The following UBE2E2 variants were observed in gnomAD, a reference collection of about 807,000 sequenced individuals.
UBE2E2 encodes the protein ubiquitin conjugating enzyme E2 E2.
UBE2E2 carries 6 observed loss-of-function variants against 24.7 expected under a neutral mutation model. The observed-to-expected ratio is 0.24, with a 90% confidence interval of 0.13 to 0.48. UBE2E2 has a LOEUF of 0.48. UBE2E2 is among the 20% of genes least tolerant of loss of function. UBE2E2 has a pLI of 0.99. For missense variants in UBE2E2, 169 were observed against 245.0 expected (o/e 0.69, Z 2.07); for synonymous variants, 104 against 83.6 (o/e 1.24, Z -1.33).
intron 5 of UBE2E2, among the ~76,000 whole-genome samples, chr3:23,571,427 T>G (rs1377137762): frequency 6.6e-6 from 1 of 151,466 alleles, no homozygotes; most frequent in African/African-American, 2.4e-5. Flanking sequence ...GTAGCCGGGA[T>G]TACAGGCGTG....
At chr3:23,531,920 G>A (rs976449526) in intron 4 of UBE2E2, among the ~76,000 whole-genome samples, 9 of 151,980 alleles carry the variant, frequency 5.9e-5, no homozygotes, top group African/African-American at 1.9e-4. Context: ...AAATTAGCTG[G>A]GTGTGGTGGC....
intron 3 of UBE2E2, among the ~76,000 whole-genome samples, chr3:23,373,700 C>T (rs1277549875): frequency 1.3e-5 from 2 of 152,124 alleles, no homozygotes; most frequent in East Asian, 3.9e-4. Context: ...TACTCTTATG[C>T]TAGGGTGACA....
chr3:23,478,786 A>G (rs1699191738), intron 3 of UBE2E2, among the ~76,000 whole-genome samples: 1 of 152,070 alleles, frequency 6.6e-6, no homozygotes, highest in Non-Finnish European at 1.5e-5. Context: ...CTTGCCTATA[A>G]TCCCAACACT....
chr3:23,346,196 A>T (rs935663619), intron 3 of UBE2E2, among the ~76,000 whole-genome samples: 1 of 152,242 alleles, frequency 6.6e-6, no homozygotes, highest in Non-Finnish European at 1.5e-5. Flanking sequence ...AATTTCAACA[A>T]AAGTTAAGTA....
At chr3:23,426,906 G>T (rs1193167579) in intron 3 of UBE2E2, among the ~76,000 whole-genome samples, 1 of 152,012 alleles carries the variant, frequency 6.6e-6, no homozygotes, top group South Asian at 2.1e-4. Flanking sequence ...ACAATATATT[G>T]TGTGCGTATA....
intron 5 of UBE2E2, among the ~76,000 whole-genome samples, chr3:23,580,639 G>A (rs1327676755): frequency 6.6e-6 from 1 of 152,134 alleles, no homozygotes; most frequent in Non-Finnish European, 1.5e-5. Flanking sequence ...TATTTGCAGT[G>A]CAATGATAGA....
intron 3 of UBE2E2, among the ~76,000 whole-genome samples, chr3:23,397,022 C>G (rs568948763): frequency 6.6e-6 from 1 of 152,122 alleles, no homozygotes; most frequent in African/African-American, 2.4e-5. Flanking sequence ...ATTTCCTCTT[C>G]CTGACACTTT....
chr3:23,515,846 A>G (rs1040085066), intron 4 of UBE2E2, among the ~76,000 whole-genome samples: 1 of 151,752 alleles, frequency 6.6e-6, no homozygotes, highest in African/African-American at 2.4e-5. Flanking sequence ...GTGGTAGCTC[A>G]CACCTGTAGT....
intron 3 of UBE2E2, among the ~76,000 whole-genome samples, chr3:23,441,320 C>T (rs551999487): frequency 9.0e-4 from 129 of 143,864 alleles, no homozygotes; most frequent in Non-Finnish European, 1.3e-3. Flanking sequence ...GTCATGAGAT[C>T]GAGACCGTCC....
At chr3:23,332,274 C>G (rs907914665) in intron 3 of UBE2E2, among the ~76,000 whole-genome samples, 4 of 151,988 alleles carry the variant, frequency 2.6e-5, no homozygotes, top group African/African-American at 7.3e-5. Context: ...TCCTGAGTAG[C>G]TGGGACTACA....
intron 5 of UBE2E2, among the ~76,000 whole-genome samples, chr3:23,578,995 T>C (rs1218398097): frequency 1.3e-5 from 2 of 152,138 alleles, no homozygotes; most frequent in Non-Finnish European, 2.9e-5. Context: ...AGAGCTCTGA[T>C]AGAGATGTAT....
chr3:23,215,027 T>G (rs975034674), intron 2 of UBE2E2, among the ~76,000 whole-genome samples: 7 of 152,076 alleles, frequency 4.6e-5, no homozygotes, highest in Non-Finnish European at 1.5e-5. Context: ...TTCTTTTCCT[T>G]CCTCCCAGTT....
chr3:23,304,753 A>T (rs964336368), intron 3 of UBE2E2, among the ~76,000 whole-genome samples: 3 of 152,216 alleles, frequency 2.0e-5, no homozygotes, highest in African/African-American at 7.2e-5. Context: ...ATCTGAAATC[A>T]TATCAGTGAA....
At chr3:23,497,533 CTA>C (rs987961011) in intron 3 of UBE2E2, among the ~76,000 whole-genome samples, 3 of 152,098 alleles carry the variant, frequency 2.0e-5, no homozygotes, top group East Asian at 3.8e-4. Context: ...ATTTAATACT[CTA>C]TGTTTGTGTT....
At chr3:23,568,356 A>C (rs1316163114) in intron 5 of UBE2E2, among the ~76,000 whole-genome samples, 1 of 152,120 alleles carries the variant, frequency 6.6e-6, no homozygotes, top group Admixed American at 6.6e-5. Flanking sequence ...TGGGTGGACT[A>C]CATGTGAGGA....
chr3:23,363,497 T>C (rs938424931), intron 3 of UBE2E2, among the ~76,000 whole-genome samples: 2 of 152,244 alleles, frequency 1.3e-5, no homozygotes, highest in African/African-American at 4.8e-5. Context: ...GGGGTTGGCA[T>C]TCTACTTTCT....
intron 3 of UBE2E2, among the ~76,000 whole-genome samples, chr3:23,236,508 G>A (rs934840372): frequency 6.7e-6 from 1 of 150,114 alleles, no homozygotes; most frequent in Non-Finnish European, 1.5e-5. Flanking sequence ...TTGGCCTGTG[G>A]ACTGAACATA....
intron 3 of UBE2E2, among the ~76,000 whole-genome samples, chr3:23,364,514 G>C (rs888753297): frequency 1.3e-5 from 2 of 152,078 alleles, no homozygotes; most frequent in Admixed American, 6.6e-5. Flanking sequence ...ATGCAAACTA[G>C]AAAATCTGAA....
At chr3:23,311,259 G>A (rs1455988710) in intron 3 of UBE2E2, among the ~76,000 whole-genome samples, 1 of 152,158 alleles carries the variant, frequency 6.6e-6, no homozygotes, top group Non-Finnish European at 1.5e-5. Flanking sequence ...GTCTATCATT[G>A]ATGGACATTT....
Sources: gnomAD v4.1 joint callset for allele counts (sites outside exome capture counted in the v4.1 genomes callset) on GRCh38, gnomAD v4.1.1 for gene constraint, MANE v1.5 for transcripts, NCBI Gene and HGNC (gene_info 2026-07-23, HGNC 2026-07-21) for gene names.